Variants in RBPMS observed in about 807,000 individuals in gnomAD.
RBPMS encodes RNA-binding protein with multiple splicing.
Under a neutral mutation model 26.8 loss-of-function variants are expected in RBPMS, and 7 were observed. That is an observed-to-expected ratio of 0.26 (90% CI 0.15 to 0.49). RBPMS has a LOEUF of 0.49. Ranked by LOEUF, RBPMS falls within the 20% of genes least tolerant of loss-of-function variation. RBPMS has a pLI of 0.98. For missense variants in RBPMS, 186 were observed against 250.0 expected, an observed-to-expected ratio of 0.74 and a Z score of 1.73; for synonymous variants, 96 against 93.3, an observed-to-expected ratio of 1.03 and a Z score of -0.17.
chr8:30,443,416 A>G (rs1813354675), intron 1 of RBPMS, among the ~76,000 whole-genome samples: 1 of 152,206 alleles, frequency 6.6e-6, no homozygotes, highest in African/African-American at 2.4e-5. Flanking sequence ...AGTTCAAATC[A>G]AGCTCTAACA....
chr8:30,532,748 CAA>C (rs1824367045), intron 5 of RBPMS, among the ~76,000 whole-genome samples: 1 of 152,176 alleles, frequency 6.6e-6, no homozygotes, highest in African/African-American at 2.4e-5. Context: ...CCTCACCCTC[CAA>C]AGAGTTCCCA....
intron 1 of RBPMS, among the ~76,000 whole-genome samples, chr8:30,458,017 G>T (rs1460502472): frequency 2.0e-5 from 3 of 152,168 alleles, no homozygotes. Context: ...AAACCTGGAT[G>T]CCCAAGTCTC....
intron 1 of RBPMS, among the ~76,000 whole-genome samples, chr8:30,434,963 G>C (rs1288256804): frequency 6.6e-6 from 1 of 152,020 alleles, no homozygotes; most frequent in Non-Finnish European, 1.5e-5. Context: ...AGTGTTCTAA[G>C]ACATATTTCT....
At chr8:30,568,971 C>T (rs1289622679) in intron 8 of RBPMS, among the ~76,000 whole-genome samples, 1 of 149,884 alleles carries the variant, frequency 6.7e-6, no homozygotes, top group African/African-American at 2.5e-5. Context: ...TGCCTATGTT[C>T]CTTCTCCCTT....
intron 5 of RBPMS, among the ~76,000 whole-genome samples, chr8:30,533,012 T>C (rs529645062): frequency 6.6e-6 from 1 of 152,242 alleles, no homozygotes; most frequent in Non-Finnish European, 1.5e-5. Context: ...TCAGTGTTTG[T>C]TGAAGACAAA....
chr8:30,385,633 T>A (rs868326828), intron 1 of RBPMS, among the ~76,000 whole-genome samples: 2 of 152,050 alleles, frequency 1.3e-5, no homozygotes, highest in African/African-American at 4.8e-5. Context: ...CTTGGTGAAA[T>A]ATCTTTCTAG....
intron 1 of RBPMS, among the ~76,000 whole-genome samples, chr8:30,433,638 A>G (rs1812162416): frequency 1.3e-5 from 2 of 152,198 alleles, no homozygotes; most frequent in African/African-American, 4.8e-5. Flanking sequence ...TGGCCATAGC[A>G]CTTCAGCCTG....
rs566526637 is a variant in RBPMS at position 30,550,391 on chromosome 8, A to T, written c.528+5767A>T. Among the ~76,000 whole-genome samples the T allele has an allele frequency of 7.9e-5, 12 of 152,320 alleles. No individual in the cohort carries two copies. In the South Asian group the frequency reaches 2.3e-3, roughly 29 times the overall value. ...ATCCTTCACATAAACACTTAAGAGA[A>T]TGCCCGGCATATTAGAAGGGCTTCA... On this transcript the variant is annotated intron_variant, in intron 6 of 8. Transcript: ENST00000397323.
intron 5 of RBPMS, among the ~76,000 whole-genome samples, chr8:30,534,778 T>TTTTC: frequency 1 from 2 of 2 alleles, 1 homozygote; most frequent in Non-Finnish European, 1. Flanking sequence ...ATAACTACTT[T>TTTTC]GGGAGGCCGA....
At chr8:30,490,716 C>T (rs578136543) in intron 4 of RBPMS, among the ~76,000 whole-genome samples, 3 of 152,326 alleles carry the variant, frequency 2.0e-5, no homozygotes, top group South Asian at 2.1e-4. Context: ...GCGCCCACCT[C>T]GGCCTCCCAA....
At chr8:30,535,872 T>C (rs1053679955) in intron 5 of RBPMS, among the ~76,000 whole-genome samples, 5 of 152,184 alleles carry the variant, frequency 3.3e-5, no homozygotes, top group African/African-American at 1.2e-4. Flanking sequence ...TCTGGAAGGC[T>C]GAGGAGAGAG....
chr8:30,425,587 A>G (rs1012229620), intron 1 of RBPMS, among the ~76,000 whole-genome samples: 1 of 151,786 alleles, frequency 6.6e-6, no homozygotes, highest in African/African-American at 2.4e-5. Context: ...TTTAGTAGAG[A>G]CGGGGTTTCT....
At chr8:30,512,640 T>C (rs548424920) in intron 5 of RBPMS, among the ~76,000 whole-genome samples, 1 of 152,006 alleles carries the variant, frequency 6.6e-6, no homozygotes, top group African/African-American at 2.4e-5. Flanking sequence ...AAAAAAAAAA[T>C]TTGTAGAGAT....
chr8:30,567,025 T>C (rs9694039), intron 8 of RBPMS, among the ~76,000 whole-genome samples: 5,352 of 152,246 alleles, frequency 0.035, 315 homozygotes, highest in African/African-American at 0.12. Context: ...AATCCTCCTG[T>C]AGCATTCCCA....
chr8:30,560,704 TA>T (rs1375381376), intron 7 of RBPMS, among the ~76,000 whole-genome samples: 1 of 152,196 alleles, frequency 6.6e-6, no homozygotes, highest in Non-Finnish European at 1.5e-5. Context: ...TCAGAGCCTT[TA>T]TTACCATATG....
intron 1 of RBPMS, among the ~76,000 whole-genome samples, chr8:30,446,754 C>T (rs551003852): frequency 5.7e-4 from 85 of 150,286 alleles, no homozygotes; most frequent in Middle Eastern, 3.5e-3. Flanking sequence ...CCTCAGTCTC[C>T]CAAGTAGCTG....
intron 4 of RBPMS, among the ~76,000 whole-genome samples, chr8:30,482,424 C>T (rs1818378329): frequency 6.6e-6 from 1 of 152,112 alleles, no homozygotes; most frequent in South Asian, 2.1e-4. Flanking sequence ...TTTAATTTCT[C>T]TTTTTGTTGT....
chr8:30,431,069 T>C (rs1319634830), intron 1 of RBPMS, among the ~76,000 whole-genome samples: 19 of 152,180 alleles, frequency 1.2e-4, no homozygotes, highest in Admixed American at 1.1e-3. Flanking sequence ...TTTCCTTGAA[T>C]TGAATGGGAG....
intron 1 of RBPMS, 80 bp from the exon 2 acceptor site, chr8:30,474,697 AAT>A: frequency 1.3e-6 from 1 of 777,536 alleles, no homozygotes; most frequent in Non-Finnish European, 2.2e-6. Context: ...TATTTGGAAT[AAT>A]ATGTTTCTGA....
Sources: allele counts gnomAD v4.1 joint callset (sites outside exome capture counted in the v4.1 genomes callset), GRCh38; gene constraint gnomAD v4.1.1; transcripts MANE v1.5; gene names NCBI Gene and HGNC (gene_info 2026-07-23, HGNC 2026-07-21).